Variants in TESK2 observed in about 807,000 individuals in gnomAD.
TESK2 encodes the protein dual specificity testis-specific protein kinase 2.
A neutral mutation model predicts 57.1 loss-of-function variants in TESK2; 39 were observed. The ratio of observed to expected loss-of-function variants is 0.68; its 90% CI spans 0.53 to 0.89. TESK2 has a LOEUF of 0.89. TESK2 is among the 40% of genes least tolerant of loss of function. The pLI is 0.00. For synonymous variants in TESK2, 249 were observed against 267.9 expected (o/e 0.93, Z 0.69); for missense variants, 646 against 732.1 (o/e 0.88, Z 1.36).
chr1:45,347,558 AAAAAG>A, intron 7 of TESK2, 46 bp downstream of exon 7: 2 of 1,560,032 alleles, frequency 1.3e-6, no homozygotes, highest in Non-Finnish European at 1.8e-6. Context: ...CCATCTCAAA[AAAAAG>A]AAAAAGAAAA....
chr1:45,356,987 A>G (rs1647451521), intron 4 of TESK2, among the ~76,000 whole-genome samples: 1 of 152,070 alleles, frequency 6.6e-6, no homozygotes, highest in African/African-American at 2.4e-5. Flanking sequence ...TGACATCAGG[A>G]GTTCAAGACC....
intron 4 of TESK2, among the ~76,000 whole-genome samples, chr1:45,380,023 G>A (rs1018464824): frequency 1.3e-4 from 19 of 151,846 alleles, no homozygotes; most frequent in East Asian, 1.9e-4. Flanking sequence ...CTCAGCCTCC[G>A]GAGTAACTGG....
chr1:45,478,053 C>A (rs2149306711), intron 1 of TESK2, among the ~76,000 whole-genome samples: 1 of 152,302 alleles, frequency 6.6e-6, no homozygotes, highest in South Asian at 2.1e-4. Context: ...ATGTGTCATA[C>A]AAAAGTTCTG....
rs199505271 is a variant in TESK2 at position 45,457,289 on chromosome 1, T to C, written c.222+275A>G. On this transcript the variant is annotated intron_variant, in intron 2 of 10. Coordinates refer to ENST00000372086, the MANE Select transcript of TESK2 (RefSeq NM_007170.3). The stretch of plus-strand genomic sequence containing the variant: ...AGTGGTTATTACTGGAGAATGTATG[T>C]GTGGATACATACACACATGTGTGGC... Among the ~76,000 whole-genome samples, 11 of 144,514 alleles carry C rather than the reference T, an allele frequency of 7.6e-5. No homozygotes were observed. The East Asian group carries it at 2.4e-3, about 31-fold the overall frequency. The allele number at this position is 144,514 out of a possible 152,430, so 94.8% of individuals were successfully genotyped here.
At chr1:45,385,710 GTATATATATA>G (rs754585734) in intron 4 of TESK2, among the ~76,000 whole-genome samples, 192 bp downstream of exon 4, 2 of 135,284 alleles carry the variant, frequency 1.5e-5, no homozygotes, top group Non-Finnish European at 1.5e-5. Flanking sequence ...GTGTGTGTGT[GTATATATATA>G]TATATATATA....
At chr1:45,408,159 T>C (rs564123778) in intron 3 of TESK2, among the ~76,000 whole-genome samples, 2 of 152,292 alleles carry the variant, frequency 1.3e-5, no homozygotes, top group East Asian at 3.9e-4. Context: ...CATCCTCCAA[T>C]AGCATCATGA....
chr1:45,471,638 C>A (rs1652767453), intron 1 of TESK2, among the ~76,000 whole-genome samples: 1 of 151,906 alleles, frequency 6.6e-6, no homozygotes, highest in Admixed American at 6.6e-5. Context: ...AATCTCTTGA[C>A]CTGGTGATCT....
chr1:45,346,006 C>T lies in TESK2; in HGVS notation c.880-12G>A. On this transcript the variant is annotated splice_polypyrimidine_tract_variant and intron_variant, in intron 9 of 10. Coordinates refer to ENST00000372086, the MANE Select transcript of TESK2 (RefSeq NM_007170.3). ...AGTTTGGGATCCATCTGTAGGTATCCACAACAGCCATGAGCTCTGCCCTCC... is the reference window on the plus strand; with the variant it reads ...AGTTTGGGATCCATCTGTAGGTATCTACAACAGCCATGAGCTCTGCCCTCC... The T allele has an allele frequency of 1.3e-6, 2 of 1,597,202 alleles. No homozygotes were observed. The highest frequency in any genetic ancestry group is 1.7e-6 in the Non-Finnish European group (2 of 1,164,598).
chr1:45,394,875 A>G (rs1649297101), intron 3 of TESK2, among the ~76,000 whole-genome samples: 1 of 151,092 alleles, frequency 6.6e-6, no homozygotes, highest in African/African-American at 2.4e-5. Context: ...TTTAGTAGAG[A>G]CGGGGTGTTT....
intron 4 of TESK2, among the ~76,000 whole-genome samples, chr1:45,366,260 G>A: frequency 6.6e-6 from 1 of 151,730 alleles, no homozygotes; most frequent in Non-Finnish European, 1.5e-5. Flanking sequence ...CTAATTTTTG[G>A]TATTTTTAGC....
chr1:45,384,593 ATTTTTTT>A (rs59988269), intron 4 of TESK2, among the ~76,000 whole-genome samples: 19 of 70,864 alleles, frequency 2.7e-4, no homozygotes, highest in Non-Finnish European at 3.8e-4. Flanking sequence ...CTAATTATTA[ATTTTTTT>A]TTTTTTTTTT....
At chr1:45,389,693 G>A (rs1649058384) in intron 3 of TESK2, among the ~76,000 whole-genome samples, 1 of 152,116 alleles carries the variant, frequency 6.6e-6, no homozygotes, top group Non-Finnish European at 1.5e-5. Flanking sequence ...TTCCACCTGG[G>A]AGACATTAAG....
intron 2 of TESK2, among the ~76,000 whole-genome samples, chr1:45,422,383 T>C (rs1316692626): frequency 6.6e-6 from 1 of 152,150 alleles, no homozygotes; most frequent in African/African-American, 2.4e-5. Flanking sequence ...TTTTCTTTTT[T>C]TTAGAAGAAA....
At chr1:45,373,155 A>G (rs1310923666) in intron 4 of TESK2, among the ~76,000 whole-genome samples, 4 of 152,202 alleles carry the variant, frequency 2.6e-5, no homozygotes, top group African/African-American at 7.2e-5. Context: ...AACAACAAAA[A>G]AAGATTTGTA....
chr1:45,446,740 C>T (rs979340408), intron 2 of TESK2, among the ~76,000 whole-genome samples: 2 of 152,156 alleles, frequency 1.3e-5, no homozygotes, highest in African/African-American at 4.8e-5. Flanking sequence ...AAGCTATCAG[C>T]AGGCTTGGCA....
chr1:45,356,054 A>G (rs192667798), intron 4 of TESK2, among the ~76,000 whole-genome samples: 31 of 152,312 alleles, frequency 2.0e-4, no homozygotes, highest in Admixed American at 1.8e-3. Flanking sequence ...TATTTTAGCC[A>G]TGGTATGATA....
At chr1:45,474,407 G>A (rs1652899866) in intron 1 of TESK2, among the ~76,000 whole-genome samples, 1 of 151,922 alleles carries the variant, frequency 6.6e-6, no homozygotes, top group Admixed American at 6.6e-5. Context: ...CAGGAGGACT[G>A]CTTGAGGCCA....
intron 1 of TESK2, among the ~76,000 whole-genome samples, chr1:45,462,035 C>G (rs989052097): frequency 1.3e-5 from 2 of 152,112 alleles, no homozygotes; most frequent in African/African-American, 4.8e-5. Flanking sequence ...TTCATTCTAT[C>G]TAACTATATT....
At chr1:45,449,853 TA>T (rs1651802016) in intron 2 of TESK2, among the ~76,000 whole-genome samples, 1 of 152,224 alleles carries the variant, frequency 6.6e-6, no homozygotes, top group South Asian at 2.1e-4. Flanking sequence ...TTCAGATAGT[TA>T]ATTGTCTAAA....
Sources: allele counts gnomAD v4.1 joint callset (sites outside exome capture counted in the v4.1 genomes callset), GRCh38; gene constraint gnomAD v4.1.1; transcripts MANE v1.5; gene names NCBI Gene and HGNC (gene_info 2026-07-23, HGNC 2026-07-21).